CNOT4: variants seen among roughly 807,000 people sequenced by gnomAD.
CNOT4 encodes the protein CCR4-associated factor 4.
Under a neutral mutation model 73.8 loss-of-function variants are expected in CNOT4, and 8 were observed. The ratio of observed to expected loss-of-function variants is 0.11; its 90% confidence interval spans 0.06 to 0.20. CNOT4 has a LOEUF of 0.20. CNOT4 is among the 10% of genes least tolerant of loss of function. The probability of loss-of-function intolerance (pLI) is 1.00; values close to 1 mark genes in which losing one functional copy is unlikely to be tolerated. For missense variants in CNOT4, 564 were observed against 883.4 expected, an observed-to-expected ratio of 0.64 and a Z score of 4.58; for synonymous variants, 293 against 321.1, an observed-to-expected ratio of 0.91 and a Z score of 0.94.
chr7:135,497,166 G>A (rs1803641881), intron 1 of CNOT4, among the ~76,000 whole-genome samples: 1 of 151,850 alleles, frequency 6.6e-6, no homozygotes, highest in Non-Finnish European at 1.5e-5. Flanking sequence ...CCAGCACTTT[G>A]GGAAGCCGAG....
intron 1 of CNOT4, among the ~76,000 whole-genome samples, chr7:135,462,333 A>G (rs1800926911): frequency 6.6e-6 from 1 of 152,172 alleles, no homozygotes. Context: ...ACAAAATATA[A>G]TTAACCTACC....
At chr7:135,388,270 G>A in intron 10 of CNOT4, 1 of 985,284 alleles carries the variant, frequency 1.0e-6, no homozygotes, top group Non-Finnish European at 1.2e-6. Context: ...TATAAATCTA[G>A]ACAACTAAAA....
rs199855725 is a variant in CNOT4 at position 135,477,524 on chromosome 7, ATCTTGTAGTACCC to A, written c.-93+32352_-93+32364del. Among the ~76,000 whole-genome samples the A allele has an allele frequency of 1.3e-3, 205 of 152,306 alleles. 1 individual carries two copies. In the East Asian group the frequency reaches 0.027, roughly 20 times the overall value. On this transcript the variant is annotated intron_variant, in intron 1 of 11. Coordinates refer to ENST00000541284, the MANE Select transcript of CNOT4 (RefSeq NM_001190850.2). ...TACATAAACATACACTCACGAATAT[ATCTTGTAGTACCC>A]TCTTTTAATTGAAAAGGAAAAGAAT...
chr7:135,492,069 A>G (rs1424540862), intron 1 of CNOT4, among the ~76,000 whole-genome samples: 1 of 152,202 alleles, frequency 6.6e-6, no homozygotes, highest in Non-Finnish European at 1.5e-5. Flanking sequence ...GCATCTCACA[A>G]TGAAGTAGAA....
Position 135,395,696 on chromosome 7 carries a change from C to T in CNOT4, c.1067G>A (p.Ser356Asn). Residue 356 changes from serine to asparagine, a missense_variant, in exon 9 of 12, where the codon AGC becomes AAC. This residue lies in a region of CNOT4 where 135 missense variants were observed against 154.0 expected (regional missense o/e 0.88). Coordinates refer to ENST00000541284, the MANE Select transcript of CNOT4 (RefSeq NM_001190850.2). ...CCAGTCACTGGATGTCTGTGGGGAG[C>T]TGGGGAAAGGAGGAAGCCCACTTGG... Reference protein sequence around the residue: ...PIPSGLPPFPSSPQTSSDWPT... With the variant: ...PIPSGLPPFPNSPQTSSDWPT... The T allele has an allele frequency of 6.2e-7, 1 of 1,613,944 alleles. No homozygotes were observed. Among genetic ancestry groups the T allele is most frequent in the Non-Finnish European group, 8.5e-7 (1 of 1,179,950 alleles).
chr7:135,394,560 C>G, intron 9 of CNOT4, 145 bp from the exon 10 acceptor site: 1 of 674,668 alleles, frequency 1.5e-6, no homozygotes, highest in Non-Finnish European at 2.6e-6. Context: ...ACATTAAGAT[C>G]ATATAATTAC....
intron 1 of CNOT4, among the ~76,000 whole-genome samples, chr7:135,495,669 CAAAAAAAAAAAAA>C (rs1198174318): frequency 6.3e-5 from 2 of 31,876 alleles, no homozygotes; most frequent in Non-Finnish European, 1.1e-4. Flanking sequence ...GACCCTGTGT[CAAAAAAAAAAAAA>C]AAAAAAAAAA....
intron 1 of CNOT4, chr7:135,444,383 G>A: frequency 2.9e-6 from 2 of 697,274 alleles, no homozygotes; most frequent in South Asian, 3.0e-5. Flanking sequence ...CATCAATGGA[G>A]GCATACACAA....
chr7:135,436,365 A>G (rs1799154626), intron 2 of CNOT4, among the ~76,000 whole-genome samples: 1 of 151,874 alleles, frequency 6.6e-6, no homozygotes, highest in Admixed American at 6.6e-5. Flanking sequence ...AAAAAAAAAG[A>G]AAAGAAAAAG....
chr7:135,422,388 A>C, intron 2 of CNOT4, 35 bp from the exon 3 acceptor site: 1 of 957,940 alleles, frequency 1.0e-6, no homozygotes, highest in Non-Finnish European at 1.7e-6. Context: ...CGTTAGCATT[A>C]AATTAATTAA....
chr7:135,432,093 G>A lies in CNOT4; in HGVS notation c.174+6065C>T, dbSNP rs562837109. 4.6e-5 allele frequency among the ~76,000 whole-genome samples: 7 copies of A among 151,626 alleles called. No homozygotes were observed. In the East Asian group the frequency reaches 5.8e-4, roughly 13 times the overall value. On this transcript the variant is annotated intron_variant, in intron 2 of 11. Transcript: ENST00000541284. ...ATAACAAAGTTGAAAACCTTGTCAC[G>A]CCAGGTTTCAAAACTTACAATAATA...
chr7:135,498,955 A>G (rs746509881), intron 1 of CNOT4, among the ~76,000 whole-genome samples: 39 of 152,218 alleles, frequency 2.6e-4, no homozygotes, highest in African/African-American at 8.9e-4. Context: ...TCAACCTATC[A>G]CCAACTTTAC....
chr7:135,383,866 T>C (rs544021123), intron 10 of CNOT4, among the ~76,000 whole-genome samples: 1 of 152,194 alleles, frequency 6.6e-6, no homozygotes, highest in East Asian at 1.9e-4. Context: ...TAGACTCTTC[T>C]TGGCACAAGA....
chr7:135,505,907 A>T (rs764854804), intron 1 of CNOT4, among the ~76,000 whole-genome samples: 2 of 152,308 alleles, frequency 1.3e-5, no homozygotes, highest in East Asian at 3.8e-4. Flanking sequence ...CTAATAAAGA[A>T]GTCCACATAA....
At chr7:135,455,092 A>C in intron 1 of CNOT4, among the ~76,000 whole-genome samples, 1 of 151,848 alleles carries the variant, frequency 6.6e-6, no homozygotes, top group South Asian at 2.1e-4. Context: ...TGTGTGAAAA[A>C]AGGACAGGAC....
At chr7:135,429,537 G>A (rs1798696421) in intron 2 of CNOT4, among the ~76,000 whole-genome samples, 1 of 152,112 alleles carries the variant, frequency 6.6e-6, no homozygotes. Flanking sequence ...TATGCAACTT[G>A]AAGATTTAGC....
chr7:135,507,836 A>C (rs1366082001), intron 1 of CNOT4, among the ~76,000 whole-genome samples: 1 of 152,156 alleles, frequency 6.6e-6, no homozygotes, highest in Non-Finnish European at 1.5e-5. Flanking sequence ...TGATAAACTA[A>C]ATGTAAGTGA....
intron 10 of CNOT4, among the ~76,000 whole-genome samples, chr7:135,377,931 A>T (rs1795609985): frequency 6.6e-6 from 1 of 152,212 alleles, no homozygotes; most frequent in Non-Finnish European, 1.5e-5. Context: ...TACTTCAGAT[A>T]TGCTAGTGCT....
At chr7:135,498,169 C>G (rs973821606) in intron 1 of CNOT4, among the ~76,000 whole-genome samples, 3 of 148,878 alleles carry the variant, frequency 2.0e-5, no homozygotes, top group Non-Finnish European at 2.9e-5. Context: ...TCCATACTAC[C>G]CAGCATACTC....
Sources: allele counts gnomAD v4.1 joint callset (sites outside exome capture counted in the v4.1 genomes callset), GRCh38; gene constraint gnomAD v4.1.1; regional missense constraint gnomAD v4.1.1; transcripts MANE v1.5; gene names NCBI Gene and HGNC (gene_info 2026-07-23, HGNC 2026-07-21).